The following COL15A1 variants were observed in gnomAD, a reference collection of about 807,000 sequenced individuals.
COL15A1 encodes the protein collagen type XV alpha 1 chain.
COL15A1 carries 111 observed loss-of-function variants against 165.9 expected under a neutral mutation model. That is an observed-to-expected ratio of 0.67 (90% CI 0.57 to 0.78). The LOEUF is 0.78. Ranked by LOEUF, COL15A1 falls within the 30% of genes least tolerant of loss-of-function variation. The probability of loss-of-function intolerance (pLI) is 0.00; values close to 1 mark genes in which losing one functional copy is unlikely to be tolerated. For missense variants in COL15A1, 1,745 were observed against 1,789.7 expected, an observed-to-expected ratio of 0.98 and a Z score of 0.45; for synonymous variants, 659 against 674.8, an observed-to-expected ratio of 0.98 and a Z score of 0.36.
chr9:99,039,902 A>C, intron 22 of COL15A1, among the ~76,000 whole-genome samples: 1 of 152,164 alleles, frequency 6.6e-6, no homozygotes, highest in East Asian at 1.9e-4. Flanking sequence ...TCTCCTGCAG[A>C]TCCCCATGAG....
chr9:98,981,548 A>C (rs1167327345), intron 2 of COL15A1, among the ~76,000 whole-genome samples: 2 of 152,244 alleles, frequency 1.3e-5, no homozygotes, highest in Non-Finnish European at 2.9e-5. Flanking sequence ...AAATAAAAGC[A>C]AGTTTCAGAA....
At chr9:99,041,276 C>T (rs1261637629) in intron 23 of COL15A1, 1 of 152,216 alleles carries the variant, frequency 6.6e-6, no homozygotes, top group South Asian at 2.1e-4. Context: ...ACAATAATAA[C>T]AAATAGTTGA....
rs573332551 is a variant in COL15A1 at position 99,020,444 on chromosome 9, T to G, written c.1701+2T>G. On this transcript the variant is annotated splice_donor_variant, in intron 12 of 41. Coordinates refer to ENST00000375001, the MANE Select transcript of COL15A1 (RefSeq NM_001855.5). LOFTEE classifies it high-confidence loss of function. Reference sequence around the variant, plus strand: ...CAGGCTGGGCCCAAAGGAGAAAAGGTTTGTGCTGTGACCATCCTGGGGAAC... The same window carrying G: ...CAGGCTGGGCCCAAAGGAGAAAAGGGTTGTGCTGTGACCATCCTGGGGAAC... The G allele has an allele frequency of 6.6e-5, 106 of 1,608,408 alleles. 1 individual carries two copies. In the South Asian group the frequency reaches 1.1e-3, roughly 17 times the overall value.
At chr9:99,052,294 C>T in intron 30 of COL15A1, 94 bp from the exon 31 acceptor site, 1 of 942,274 alleles carries the variant, frequency 1.1e-6, no homozygotes, top group Non-Finnish European at 1.7e-6. Context: ...GGCATTGCCT[C>T]TTTTGTCACA....
Position 98,979,983 on chromosome 9 carries a change from C to G in COL15A1, c.101-5582C>G, listed in dbSNP as rs548031223. 5.9e-5 allele frequency among the ~76,000 whole-genome samples: 9 copies of G among 152,022 alleles called. No homozygotes were observed. The South Asian group carries it at 1.5e-3, about 25-fold the overall frequency. On this transcript the variant is annotated intron_variant, in intron 2 of 41. Transcript: ENST00000375001. ...ACCAACGTAGGCAATATAGCGAGAC[C>G]CTGTCTCTACAAAAAAATGAAAAAA...
intron 21 of COL15A1, among the ~76,000 whole-genome samples, 171 bp downstream of exon 21, chr9:99,036,567 G>C (rs1327461231): frequency 6.6e-6 from 1 of 152,214 alleles, no homozygotes; most frequent in Non-Finnish European, 1.5e-5. Context: ...CAGTTCCACT[G>C]TTCTCTCACA....
intron 32 of COL15A1, 119 bp from the exon 33 acceptor site, chr9:99,054,983 A>G: frequency 2.2e-6 from 2 of 894,858 alleles, no homozygotes; most frequent in Non-Finnish European, 3.7e-6. Context: ...AGACTCTGTT[A>G]GCCAACCCAG....
rs1226267423 is a variant in COL15A1, at chr9:99,044,715, T to C, written c.2644-20T>C. 1 of 1,613,292 alleles carries C rather than the reference T, an allele frequency of 6.2e-7. No homozygotes were observed. The highest frequency in any genetic ancestry group is 8.5e-7 in the Non-Finnish European group (1 of 1,179,334). On this transcript the variant is annotated intron_variant, in intron 25 of 41. Coordinates refer to ENST00000375001, the MANE Select transcript of COL15A1 (RefSeq NM_001855.5). ...TGTTTCTGTCCCAAACAGTGACAAG[T>C]ATATATCTTCCTGTTTTAGGGTGAA... is the stretch of plus-strand genomic sequence containing the variant.
chr9:99,005,369 A>G (rs1020855349), intron 9 of COL15A1, among the ~76,000 whole-genome samples: 1 of 151,914 alleles, frequency 6.6e-6, no homozygotes, highest in Non-Finnish European at 1.5e-5. Flanking sequence ...CTGGAGGGCG[A>G]TGGGGGATCA....
chr9:98,979,595 A>T (rs1838199772), intron 2 of COL15A1, among the ~76,000 whole-genome samples: 1 of 152,074 alleles, frequency 6.6e-6, no homozygotes, highest in African/African-American at 2.4e-5. Context: ...TTTGTAGCAA[A>T]TATCAGTCAT....
At chr9:99,065,857 A>C (rs962433105) in intron 39 of COL15A1, among the ~76,000 whole-genome samples, 1 of 151,520 alleles carries the variant, frequency 6.6e-6, no homozygotes, top group Non-Finnish European at 1.5e-5. Flanking sequence ...GTTGTGGCCA[A>C]CTGGCTGGAA....
At chr9:99,014,165 G>A (rs1263769449) in intron 9 of COL15A1, among the ~76,000 whole-genome samples, 1 of 152,170 alleles carries the variant, frequency 6.6e-6, no homozygotes, top group African/African-American at 2.4e-5. Context: ...TAATAGTAAG[G>A]AGAAATTAGG....
At chr9:99,015,612 G>A in intron 10 of COL15A1, 46 bp downstream of exon 10, 1 of 1,578,992 alleles carries the variant, frequency 6.3e-7, no homozygotes, top group Non-Finnish European at 8.7e-7. Context: ...GGAGAGACAG[G>A]TCTGCATCAT....
At chr9:99,005,200 A>G (rs1646191672) in intron 9 of COL15A1, 150 bp downstream of exon 9, 2 of 823,060 alleles carry the variant, frequency 2.4e-6, no homozygotes, top group African/African-American at 3.5e-5. Flanking sequence ...GAGTTTGCCA[A>G]GGCCTGGGTG....
chr9:98,943,982 A>T lies in COL15A1; in HGVS notation c.-80A>T. 1 of 1,586,944 alleles carries T rather than the reference A, an allele frequency of 6.3e-7. No homozygotes were observed. The highest frequency in any genetic ancestry group is 8.6e-7 in the Non-Finnish European group (1 of 1,161,242). On this transcript the variant is annotated 5_prime_UTR_variant, in exon 1 of 42. Transcript: ENST00000375001. Reference sequence around the variant, plus strand: ...AGGGCGAGCGCGGCGGCCAGCGCTCAGCGACCCTTCGTCCTCCGCTAAGCT... The same window carrying T: ...AGGGCGAGCGCGGCGGCCAGCGCTCTGCGACCCTTCGTCCTCCGCTAAGCT...
intron 9 of COL15A1, among the ~76,000 whole-genome samples, chr9:99,013,870 A>G (rs1838885583): frequency 6.6e-6 from 1 of 152,210 alleles, no homozygotes; most frequent in Admixed American, 6.5e-5. Context: ...TTTTATTGGT[A>G]CTAAAGATAG....
intron 2 of COL15A1, among the ~76,000 whole-genome samples, chr9:98,951,733 T>A (rs371764310): frequency 6.9e-6 from 1 of 144,378 alleles, no homozygotes; most frequent in Non-Finnish European, 1.5e-5. Flanking sequence ...AATTTAAAAA[T>A]TTTTTGTAGG....
At chr9:98,955,647 G>A (rs149439340) in intron 2 of COL15A1, among the ~76,000 whole-genome samples, 1 of 152,344 alleles carries the variant, frequency 6.6e-6, no homozygotes, top group East Asian at 1.9e-4. Flanking sequence ...CCTATAGTAT[G>A]TATATCAAGA....
At chr9:99,023,275 A>G in intron 13 of COL15A1, 82 bp from the exon 14 acceptor site, 1 of 1,483,580 alleles carries the variant, frequency 6.7e-7, no homozygotes. Flanking sequence ...ACATTTCCCC[A>G]TTTTGGAGAA....
Sources: gnomAD v4.1 joint callset for allele counts (sites outside exome capture counted in the v4.1 genomes callset) on GRCh38, gnomAD v4.1.1 for gene constraint, MANE v1.5 for transcripts, NCBI Gene and HGNC (gene_info 2026-07-23, HGNC 2026-07-21) for gene names.